DNAJC12: variants seen among roughly 807,000 people sequenced by gnomAD.
DNAJC12 encodes the protein dnaJ homolog subfamily C member 12.
Under a neutral mutation model 28.5 loss-of-function variants are expected in DNAJC12, and 25 were observed. The ratio of observed to expected loss-of-function variants is 0.88; its 90% CI spans 0.64 to 1.22. DNAJC12 has a LOEUF of 1.22. DNAJC12 is among the 50% of genes most tolerant of loss of function. The pLI is 0.00. For synonymous variants in DNAJC12, 77 were observed against 80.6 expected, an observed-to-expected ratio of 0.95 and a Z score of 0.24; for missense variants, 222 against 231.7, an observed-to-expected ratio of 0.96 and a Z score of 0.27.
At chr10:67,824,321 A>G (rs1444234090) in intron 1 of DNAJC12, among the ~76,000 whole-genome samples, 2 of 152,044 alleles carry the variant, frequency 1.3e-5, no homozygotes, top group Non-Finnish European at 2.9e-5. Context: ...AAATTCTTCA[A>G]AGATGCTTAG....
chr10:67,798,039 C>CAAAAAAA (rs759359409), intron 4 of DNAJC12, among the ~76,000 whole-genome samples: 1 of 124,486 alleles, frequency 8.0e-6, no homozygotes, highest in African/African-American at 3.3e-5. Flanking sequence ...GATTCTGTCT[C>CAAAAAAA]AGAAAAAAAA....
chr10:67,812,622 T>A (rs547698760), intron 2 of DNAJC12, among the ~76,000 whole-genome samples: 103 of 148,348 alleles, frequency 6.9e-4, no homozygotes, highest in African/African-American at 2.4e-3. Context: ...GGTGGGTGGA[T>A]CACGAGGTCA....
intron 2 of DNAJC12, among the ~76,000 whole-genome samples, chr10:67,814,516 A>G (rs1271740490): frequency 6.6e-6 from 1 of 152,186 alleles, no homozygotes; most frequent in Admixed American, 6.5e-5. Flanking sequence ...GATAAATTGG[A>G]CTACATCAAA....
chr10:67,823,788 T>G (rs771511326), intron 1 of DNAJC12, among the ~76,000 whole-genome samples: 2 of 152,164 alleles, frequency 1.3e-5, no homozygotes, highest in Non-Finnish European at 2.9e-5. Context: ...CAACCCAACT[T>G]TTTTTGATCC....
intron 3 of DNAJC12, among the ~76,000 whole-genome samples, chr10:67,806,411 C>T (rs991049054): frequency 6.6e-6 from 1 of 152,184 alleles, no homozygotes; most frequent in Non-Finnish European, 1.5e-5. Flanking sequence ...GAAGTGTCAT[C>T]CTGAATCCTC....
chr10:67,816,920 G>T (rs1267959015), intron 2 of DNAJC12, among the ~76,000 whole-genome samples: 3 of 152,120 alleles, frequency 2.0e-5, no homozygotes, highest in African/African-American at 7.2e-5. Context: ...CACCCACACA[G>T]AGCGCTGGCA....
In DNAJC12 at chr10:67,798,232, T is replaced by C. The variant is rs142581645; in HGVS notation, c.503-1022A>G. On this transcript the variant is annotated intron_variant, in intron 4 of 4. Coordinates refer to ENST00000225171, the MANE Select transcript of DNAJC12 (RefSeq NM_021800.3). ...GCAAATGAAAGCTGGTTAAAAGGTT[T>C]TGATATCGTCATTAACAATATCTTA... 2.0e-5 allele frequency among the ~76,000 whole-genome samples: 3 copies of C among 152,182 alleles called. No individual in the cohort carries two copies. The East Asian group carries it at 5.8e-4, about 29-fold the overall frequency.
intron 1 of DNAJC12, among the ~76,000 whole-genome samples, chr10:67,823,765 A>G (rs565855445): frequency 7.9e-5 from 12 of 152,250 alleles, no homozygotes; most frequent in African/African-American, 2.9e-4. Context: ...CCCCAACCCA[A>G]AACAGCCATG....
intron 1 of DNAJC12, among the ~76,000 whole-genome samples, chr10:67,827,945 A>G (rs1016123998): frequency 2.0e-5 from 3 of 152,066 alleles, no homozygotes; most frequent in African/African-American, 7.2e-5. Flanking sequence ...GTTTATCTTG[A>G]ACACATTGTA....
At chr10:67,805,204 T>C (rs1841786489) in intron 4 of DNAJC12, among the ~76,000 whole-genome samples, 1 of 152,142 alleles carries the variant, frequency 6.6e-6, no homozygotes, top group Non-Finnish European at 1.5e-5. Context: ...TTTTCTCATC[T>C]ATAAAATGAG....
chr10:67,835,870 A>C (rs1297558854), intron 1 of DNAJC12, among the ~76,000 whole-genome samples: 1 of 152,172 alleles, frequency 6.6e-6, no homozygotes, highest in African/African-American at 2.4e-5. Flanking sequence ...ATGTTGAGAC[A>C]AGGAAGTATG....
intron 4 of DNAJC12, among the ~76,000 whole-genome samples, chr10:67,798,443 G>C (rs1011343473): frequency 6.6e-6 from 1 of 152,060 alleles, no homozygotes; most frequent in African/African-American, 2.4e-5. Flanking sequence ...ACTTTGGGAG[G>C]CCGAGGCAGG....
intron 1 of DNAJC12, among the ~76,000 whole-genome samples, chr10:67,828,102 A>T (rs1842054979): frequency 6.6e-6 from 1 of 152,194 alleles, no homozygotes. Context: ...TGTCTTGTAA[A>T]CATACAAAAA....
chr10:67,826,739 TAA>T (rs1491480670), intron 1 of DNAJC12, among the ~76,000 whole-genome samples: 2 of 107,892 alleles, frequency 1.9e-5, no homozygotes, highest in African/African-American at 3.4e-5. Context: ...ATGATATATA[TAA>T]TATATATCAT....
At chr10:67,801,076 G>A (rs1222697164) in intron 4 of DNAJC12, among the ~76,000 whole-genome samples, 4 of 151,982 alleles carry the variant, frequency 2.6e-5, no homozygotes, top group South Asian at 2.1e-4. Context: ...AGATTGTCTC[G>A]CACAGTGGTT....
chr10:67,808,858 CAGA>C (rs1244668811), intron 3 of DNAJC12, among the ~76,000 whole-genome samples: 1 of 152,198 alleles, frequency 6.6e-6, no homozygotes, highest in Non-Finnish European at 1.5e-5. Context: ...TTTGAACCAG[CAGA>C]AGGTGTTGAA....
chr10:67,817,706 G>A (rs1168046574), intron 2 of DNAJC12, among the ~76,000 whole-genome samples: 5 of 67,020 alleles, frequency 7.5e-5, no homozygotes, highest in African/African-American at 2.3e-4. Flanking sequence ...GTGAAACCCC[G>A]TTTCCACTAA....
chr10:67,810,905 AT>A (rs1372872343), intron 3 of DNAJC12: 3 of 152,256 alleles, frequency 2.0e-5, no homozygotes, highest in Middle Eastern at 3.2e-3. Flanking sequence ...TCATGCCTAA[AT>A]CTTTAAAATT....
At chr10:67,822,916 GCC>G (rs1156540212) in intron 2 of DNAJC12, among the ~76,000 whole-genome samples, 2 of 151,712 alleles carry the variant, frequency 1.3e-5, no homozygotes, top group Non-Finnish European at 2.9e-5. Context: ...AATCACTTGA[GCC>G]CAGGAGCCAG....
Sources: gnomAD v4.1 joint callset for allele counts (sites outside exome capture counted in the v4.1 genomes callset) on GRCh38, gnomAD v4.1.1 for gene constraint, MANE v1.5 for transcripts, NCBI Gene and HGNC (gene_info 2026-07-23, HGNC 2026-07-21) for gene names.